ADIPOR1: variants seen among roughly 807,000 people sequenced by gnomAD.
The protein encoded by ADIPOR1 is adiponectin receptor 1.
ADIPOR1 carries 15 observed loss-of-function variants against 37.5 expected under a neutral mutation model. The observed-to-expected ratio is 0.40, with a 90% confidence interval of 0.27 to 0.62. The LOEUF (loss-of-function observed/expected upper bound fraction) is 0.62. Among genes scored for constraint, ADIPOR1 ranks in the 20% least tolerant of loss-of-function variants. The probability of loss-of-function intolerance (pLI) is 0.42; values close to 1 mark genes in which losing one functional copy is unlikely to be tolerated. For synonymous variants in ADIPOR1, 173 were observed against 173.2 expected (o/e 1.00, Z 0.01); for missense variants, 286 against 478.0 (o/e 0.60, Z 3.75).
chr1:202,942,007 G>A lies in ADIPOR1; in HGVS notation c.999+18C>T, dbSNP rs2102480125. ...TTCACTCACCATCACAGGACCTGCTGGAAGATTCATTTCTTACCCATATGT... is the reference window on the plus strand; with the variant it reads ...TTCACTCACCATCACAGGACCTGCTAGAAGATTCATTTCTTACCCATATGT... On this transcript the variant is annotated intron_variant, in intron 7 of 7. Transcript: ENST00000340990. 8 of 1,601,304 alleles carry A rather than the reference G, an allele frequency of 5.0e-6. No individual in the cohort carries two copies. Among genetic ancestry groups the A allele is most frequent in the East Asian group, 2.2e-5 (1 of 44,724 alleles).
At chr1:202,953,891 AC>A (rs2102494160) in intron 1 of ADIPOR1, among the ~76,000 whole-genome samples, 1 of 152,348 alleles carries the variant, frequency 6.6e-6, no homozygotes, top group African/African-American at 2.4e-5. Flanking sequence ...TAACTATTTT[AC>A]TAGAGGCAAT....
chr1:202,948,947 T>C (rs1480562896), intron 2 of ADIPOR1, among the ~76,000 whole-genome samples: 1 of 151,622 alleles, frequency 6.6e-6, no homozygotes, highest in Admixed American at 6.6e-5. Flanking sequence ...CCCACCACCA[T>C]GCCTGACTAA....
chr1:202,954,120 CCA>C (rs1654688962), intron 1 of ADIPOR1: 1 of 152,202 alleles, frequency 6.6e-6, no homozygotes, highest in Non-Finnish European at 1.5e-5. Flanking sequence ...AGCTCCTATA[CCA>C]CCTCTCTACA....
Position 202,941,629 on chromosome 1 carries a change from G to A in ADIPOR1, c.1072C>T (p.Leu358Phe). The A allele has an allele frequency of 6.2e-7, 1 of 1,614,166 alleles. No homozygotes were observed. The highest frequency in any genetic ancestry group is 8.5e-7 in the Non-Finnish European group (1 of 1,180,032). The stretch of plus-strand genomic sequence containing the variant: ...TCTAGGCCGTAACGGAATTCCTGAA[G>A]GTTGGAGACTCCATAGAAGTGGACA... The part of the protein sequence containing the change: ...AFVHFYGVSN[L>F]QEFRYGLEGG... The change falls in exon 8 of 8, where the codon CTT (leucine) becomes TTT (phenylalanine). Residue 358 changes from leucine (L) to phenylalanine (F), a missense_variant. Leu to Phe is a conservative substitution (Grantham distance 22). Coordinates refer to ENST00000340990, the MANE Select transcript of ADIPOR1 (RefSeq NM_015999.6).
intron 2 of ADIPOR1, among the ~76,000 whole-genome samples, chr1:202,950,222 CAA>C (rs199893917): frequency 1.3e-5 from 2 of 151,522 alleles, no homozygotes; most frequent in Non-Finnish European, 3.0e-5. Flanking sequence ...CTCGGCCTCT[CAA>C]AGTGTTGGGA....
At chr1:202,944,949 C>A in intron 5 of ADIPOR1, 34 bp downstream of exon 5, 1 of 1,578,586 alleles carries the variant, frequency 6.3e-7, no homozygotes, top group Non-Finnish European at 8.6e-7. Context: ...GACAACAGTG[C>A]ACAGTATTTT....
Position 202,941,660 on chromosome 1 carries a change from T to A in ADIPOR1, c.1041A>T (p.Ala347=). The change falls in exon 8 of 8, where the codon GCA becomes GCT. Residue 347 remains alanine (A), a synonymous_variant. Coordinates refer to ENST00000340990, the MANE Select transcript of ADIPOR1 (RefSeq NM_015999.6). ...AGACTCCATAGAAGTGGACAAAGGC[T>A]GCTGCCACCACCAGGACATGGAAAA... The part of the protein sequence containing the change: ...HQIFHVLVVA[A]AFVHFYGVSN... 6.2e-7 allele frequency: 1 copy of A among 1,614,146 alleles called. No homozygotes were observed. Among genetic ancestry groups the A allele is most frequent in the Non-Finnish European group, 8.5e-7 (1 of 1,180,024 alleles).
At chr1:202,951,713 T>A (rs1440129035) in intron 1 of ADIPOR1, among the ~76,000 whole-genome samples, 1 of 152,234 alleles carries the variant, frequency 6.6e-6, no homozygotes, top group Non-Finnish European at 1.5e-5. Flanking sequence ...GTGGGACAGA[T>A]GCCTAGTGGT....
Position 202,954,962 on chromosome 1 carries a change from C to T in ADIPOR1, c.-95+3223G>A, listed in dbSNP as rs1395895561. Among the ~76,000 whole-genome samples the T allele has an allele frequency of 1.6e-4, 25 of 152,236 alleles. No homozygotes were observed. The South Asian group carries it at 5.0e-3, about 30-fold the overall frequency. ...AGAGAGTCTATGGGTAGCCTCTATC[C>T]ATACCTAGCTTGATTCTTGTCCTAA... On this transcript the variant is annotated intron_variant, in intron 1 of 7. Coordinates refer to ENST00000340990, the MANE Select transcript of ADIPOR1 (RefSeq NM_015999.6).
chr1:202,957,364 T>G (rs949754859), intron 1 of ADIPOR1, among the ~76,000 whole-genome samples: 4 of 152,138 alleles, frequency 2.6e-5, no homozygotes, highest in African/African-American at 7.2e-5. Context: ...GTTAATCTAG[T>G]AAAGTACCAT....
upstream of ADIPOR1, chr1:202,958,571 A>T (rs1654880792): frequency 1.3e-5 from 2 of 152,324 alleles, no homozygotes; most frequent in African/African-American, 4.8e-5. Flanking sequence ...GAAGTGCGTG[A>T]TGGAGAAGAA....
intron 5 of ADIPOR1, 147 bp downstream of exon 5, chr1:202,944,836 C>T (rs1654240982): frequency 2.8e-6 from 2 of 711,096 alleles, no homozygotes; most frequent in Admixed American, 2.5e-5. Flanking sequence ...TTCATCACCC[C>T]ACTATCGCCA....
intron 1 of ADIPOR1, among the ~76,000 whole-genome samples, chr1:202,953,792 C>T (rs1654674142): frequency 6.6e-6 from 1 of 152,140 alleles, no homozygotes; most frequent in Non-Finnish European, 1.5e-5. Flanking sequence ...ATAAGTGATA[C>T]AATTTGATTG....
intron 3 of ADIPOR1, 92 bp from the exon 4 acceptor site, chr1:202,946,702 G>T: frequency 1.5e-6 from 2 of 1,346,638 alleles, no homozygotes; most frequent in Admixed American, 1.9e-5. Context: ...GAAGATGTCA[G>T]TCAGGCTCTG....
At chr1:202,949,129 G>A (rs185334939) in intron 2 of ADIPOR1, among the ~76,000 whole-genome samples, 15 of 152,086 alleles carry the variant, frequency 9.9e-5, no homozygotes, top group African/African-American at 3.1e-4. Context: ...GAGTCTCAGA[G>A]AGTTCCATAA....
At chr1:202,946,237 A>T (rs1654310746) in intron 4 of ADIPOR1, among the ~76,000 whole-genome samples, 1 of 152,058 alleles carries the variant, frequency 6.6e-6, no homozygotes, top group Admixed American at 6.6e-5. Flanking sequence ...TCTAGTCCCA[A>T]TTTCTTTGGT....
At chr1:202,945,978 T>C (rs540167724) in intron 4 of ADIPOR1, among the ~76,000 whole-genome samples, 2 of 133,928 alleles carry the variant, frequency 1.5e-5, no homozygotes, top group South Asian at 4.5e-4. Context: ...AATTCATCCA[T>C]GTAACCAAAC....
chr1:202,953,394 C>G (rs1048233664), intron 1 of ADIPOR1, among the ~76,000 whole-genome samples: 2 of 151,916 alleles, frequency 1.3e-5, no homozygotes, highest in Admixed American at 6.6e-5. Flanking sequence ...AGGGCAGAAA[C>G]AAAACAAAAC....
In ADIPOR1 at chr1:202,945,181, T is replaced by TA. The variant is rs1187833109; in HGVS notation, c.431-13dup. 2 of 1,569,500 alleles carry TA rather than the reference T, an allele frequency of 1.3e-6. No homozygotes were observed. Among genetic ancestry groups the TA allele is most frequent in the Admixed American group, 4.1e-5 (2 of 49,334 alleles). ...AAACAGCACGAAACCTGCAGGAGGGTAAAATAAAAAAAACCTGTAAGAAAA... is the reference window on the plus strand; with the variant it reads ...AAACAGCACGAAACCTGCAGGAGGGTAAAAATAAAAAAAACCTGTAAGAAAA... On this transcript the variant is annotated splice_polypyrimidine_tract_variant and intron_variant, in intron 4 of 7. Transcript: ENST00000340990.
Sources: gnomAD v4.1 joint callset for allele counts (sites outside exome capture counted in the v4.1 genomes callset) on GRCh38, gnomAD v4.1.1 for gene constraint, MANE v1.5 for transcripts, NCBI Gene and HGNC (gene_info 2026-07-23, HGNC 2026-07-21) for gene names.